RSBN1: variants seen among roughly 807,000 people sequenced by gnomAD.
RSBN1 encodes the protein lysine-specific demethylase 9.
RSBN1 carries 23 observed loss-of-function variants against 74.8 expected under a neutral mutation model. The observed-to-expected ratio is 0.31, with a 90% CI of 0.22 to 0.44. The LOEUF is 0.44. Ranked by LOEUF, RSBN1 falls within the 20% of genes least tolerant of loss-of-function variation. The pLI is 1.00. For missense variants in RSBN1, 808 were observed against 1,020.9 expected (o/e 0.79, Z 2.84); for synonymous variants, 407 against 379.6 (o/e 1.07, Z -0.84).
At chr1:113,808,072 A>G (rs2101829465) in intron 1 of RSBN1, among the ~76,000 whole-genome samples, 1 of 152,290 alleles carries the variant, frequency 6.6e-6, no homozygotes, top group African/African-American at 2.4e-5. Flanking sequence ...CAGGAATGTA[A>G]AATGGTACCG....
At chr1:113,788,785 G>A (rs373245438) in intron 2 of RSBN1, among the ~76,000 whole-genome samples, 3 of 152,190 alleles carry the variant, frequency 2.0e-5, no homozygotes, top group East Asian at 1.9e-4. Context: ...GGATACATGC[G>A]TGGATAAAAA....
intron 2 of RSBN1, among the ~76,000 whole-genome samples, chr1:113,793,633 C>T (rs555787470): frequency 3.5e-4 from 53 of 152,156 alleles, no homozygotes; most frequent in African/African-American, 1.3e-3. Context: ...CCAACCTAGA[C>T]ACATCTCTCA....
At chr1:113,777,920 C>A in intron 2 of RSBN1, 112 bp from the exon 3 acceptor site, 1 of 1,008,738 alleles carries the variant, frequency 9.9e-7, no homozygotes, top group Middle Eastern at 3.0e-4. Context: ...AAACTAAGAA[C>A]TGAATGGTCA....
intron 4 of RSBN1, among the ~76,000 whole-genome samples, chr1:113,769,650 C>G (rs1362161642): frequency 1.3e-5 from 2 of 152,074 alleles, no homozygotes; most frequent in Non-Finnish European, 2.9e-5. Context: ...TGAGCAATAT[C>G]AACAAACTTT....
At chr1:113,781,967 C>T (rs1557998041) in intron 2 of RSBN1, among the ~76,000 whole-genome samples, 1 of 152,184 alleles carries the variant, frequency 6.6e-6, no homozygotes, top group Non-Finnish European at 1.5e-5. Context: ...AACATCTTAT[C>T]ATTCAACCTT....
At position 113,797,712 on chromosome 1, in the gene RSBN1, T is replaced by C; in HGVS notation, c.1028A>G (p.His343Arg). Reference protein sequence around the residue: ...VQTPFMTHQEHSIRRNFLKTG... With the variant: ...VQTPFMTHQERSIRRNFLKTG... ...TTTTAAGAAATTTCTACGAATAGAATGTTCCTGGTGAGTCATAAAAGGTGT... is the reference window on the plus strand; with the variant it reads ...TTTTAAGAAATTTCTACGAATAGAACGTTCCTGGTGAGTCATAAAAGGTGT... The change falls in exon 2 of 7, where the codon CAT becomes CGT. Residue 343 changes from histidine to arginine, a missense_variant. Physicochemically the swap from His to Arg is conservative, Grantham distance 29. This residue lies in a region of RSBN1 where 85 missense variants were observed against 126.2 expected (regional missense o/e 0.67). Transcript: ENST00000261441. The C allele has an allele frequency of 6.2e-7, 1 of 1,614,132 alleles. No individual in the cohort carries two copies. The highest frequency in any genetic ancestry group is 2.2e-5 in the East Asian group (1 of 44,886).
intron 2 of RSBN1, among the ~76,000 whole-genome samples, chr1:113,783,621 A>G (rs972670264): frequency 1.3e-5 from 2 of 152,196 alleles, no homozygotes; most frequent in East Asian, 1.9e-4. Context: ...GCCTGTGCCT[A>G]AGTTTGGGCC....
chr1:113,806,057 T>C (rs1016478929), intron 1 of RSBN1, among the ~76,000 whole-genome samples: 3 of 152,164 alleles, frequency 2.0e-5, no homozygotes, highest in East Asian at 3.8e-4. Context: ...GTAAAAACCA[T>C]TGTTAGGCCA....
chr1:113,783,057 G>T (rs1660167451), intron 2 of RSBN1, among the ~76,000 whole-genome samples: 1 of 152,016 alleles, frequency 6.6e-6, no homozygotes, highest in Non-Finnish European at 1.5e-5. Flanking sequence ...ATACTATCTG[G>T]TCCTTAATAG....
At chr1:113,807,236 C>T (rs1441946639) in intron 1 of RSBN1, among the ~76,000 whole-genome samples, 2 of 151,530 alleles carry the variant, frequency 1.3e-5, no homozygotes, top group African/African-American at 4.9e-5. Context: ...ATCGCCTGAA[C>T]CCAAGAGGTG....
intron 2 of RSBN1, among the ~76,000 whole-genome samples, chr1:113,785,769 CA>C (rs1433782749): frequency 6.6e-6 from 1 of 152,124 alleles, no homozygotes. Context: ...CAGAGGGAAA[CA>C]AAATCTCTTA....
intron 2 of RSBN1, among the ~76,000 whole-genome samples, chr1:113,784,929 C>T (rs1660208908): frequency 6.6e-6 from 1 of 152,100 alleles, no homozygotes; most frequent in Admixed American, 6.5e-5. Context: ...ACAGTGTACA[C>T]TTAGGTTACA....
intron 4 of RSBN1, among the ~76,000 whole-genome samples, chr1:113,771,418 G>T (rs1659882804): frequency 6.6e-6 from 1 of 151,920 alleles, no homozygotes; most frequent in African/African-American, 2.4e-5. Flanking sequence ...GGTTAATGCA[G>T]AAAAGCATTA....
intron 4 of RSBN1, among the ~76,000 whole-genome samples, chr1:113,774,139 T>C (rs1659939503): frequency 6.6e-6 from 1 of 152,164 alleles, no homozygotes; most frequent in African/African-American, 2.4e-5. Context: ...GTGGCTGATT[T>C]TAGCTGATTT....
At chr1:113,805,910 T>C (rs1229647794) in intron 1 of RSBN1, among the ~76,000 whole-genome samples, 1 of 152,228 alleles carries the variant, frequency 6.6e-6, no homozygotes, top group African/African-American at 2.4e-5. Flanking sequence ...TGTATTCTGC[T>C]ACTGTAGTGC....
At chr1:113,788,625 T>C (rs1660304934) in intron 2 of RSBN1, among the ~76,000 whole-genome samples, 1 of 152,132 alleles carries the variant, frequency 6.6e-6, no homozygotes, top group African/African-American at 2.4e-5. Flanking sequence ...TTAAAGGCAC[T>C]GAAGCAATGC....
chr1:113,790,029 T>C (rs1292936468), intron 2 of RSBN1, among the ~76,000 whole-genome samples: 1 of 151,734 alleles, frequency 6.6e-6, no homozygotes, highest in Admixed American at 6.6e-5. Context: ...TAAAACGACA[T>C]GATAAGCCAC....
intron 4 of RSBN1, among the ~76,000 whole-genome samples, chr1:113,769,594 A>G (rs566912943): frequency 9.2e-5 from 14 of 152,332 alleles, no homozygotes; most frequent in African/African-American, 3.4e-4. Flanking sequence ...ATAATAATCT[A>G]AAGATGATAG....
intron 2 of RSBN1, among the ~76,000 whole-genome samples, chr1:113,788,970 GAATA>G (rs1376744381): frequency 6.6e-6 from 1 of 152,010 alleles, no homozygotes; most frequent in Non-Finnish European, 1.5e-5. Flanking sequence ...AAGAATAGGA[GAATA>G]AATAGTGAGT....
Sources: gnomAD v4.1 joint callset for allele counts (sites outside exome capture counted in the v4.1 genomes callset) on GRCh38, gnomAD v4.1.1 for gene constraint, gnomAD v4.1.1 regional missense constraint, MANE v1.5 for transcripts, NCBI Gene and HGNC (gene_info 2026-07-23, HGNC 2026-07-21) for gene names.